Variants in XRCC4 observed in about 807,000 individuals in gnomAD.
The protein encoded by XRCC4 is X-ray repair cross complementing 4.
Under a neutral mutation model 39.1 loss-of-function variants are expected in XRCC4, and 28 were observed. That is an observed-to-expected ratio of 0.72 (90% confidence interval 0.53 to 0.98). XRCC4 has a LOEUF of 0.98. Among genes scored for constraint, XRCC4 ranks in the 50% least tolerant of loss-of-function variants. The probability of loss-of-function intolerance (pLI) is 0.00; values close to 1 mark genes in which losing one functional copy is unlikely to be tolerated. For missense variants in XRCC4, 350 were observed against 376.4 expected (o/e 0.93, Z 0.58); for synonymous variants, 123 against 126.4 (o/e 0.97, Z 0.18).
At chr5:83,352,983 T>C (rs1441559846) in intron 7 of XRCC4, 148 bp from the exon 8 acceptor site, 2 of 579,578 alleles carry the variant, frequency 3.5e-6, no homozygotes, top group East Asian at 6.4e-5. Context: ...TCTCTTTCCT[T>C]ATAGTTAATA....
intron 3 of XRCC4, among the ~76,000 whole-genome samples, chr5:83,126,497 A>G (rs1747272109): frequency 6.6e-6 from 1 of 152,184 alleles, no homozygotes; most frequent in Non-Finnish European, 1.5e-5. Context: ...GATGCAGTTT[A>G]AAGGCTGTTG....
chr5:83,116,205 A>T (rs1245157626), intron 3 of XRCC4, among the ~76,000 whole-genome samples: 1 of 152,220 alleles, frequency 6.6e-6, no homozygotes, highest in Admixed American at 6.5e-5. Context: ...GATGATACAA[A>T]CATCTGATTG....
intron 3 of XRCC4, among the ~76,000 whole-genome samples, chr5:83,130,755 G>C (rs145911633): frequency 1.3e-5 from 2 of 152,104 alleles, no homozygotes; most frequent in African/African-American, 4.8e-5. Flanking sequence ...GTTTATTTGC[G>C]AAGAGGTGTT....
At chr5:83,148,830 T>C (rs1748577276) in intron 3 of XRCC4, among the ~76,000 whole-genome samples, 1 of 151,892 alleles carries the variant, frequency 6.6e-6, no homozygotes, top group Non-Finnish European at 1.5e-5. Flanking sequence ...AATAAAGTAA[T>C]ACTGTTATAA....
At chr5:83,148,099 T>C (rs1285496369) in intron 3 of XRCC4, among the ~76,000 whole-genome samples, 2 of 152,212 alleles carry the variant, frequency 1.3e-5, no homozygotes, top group Non-Finnish European at 2.9e-5. Flanking sequence ...TAACAACCGA[T>C]AAATTCATCA....
chr5:83,118,770 T>C (rs977669422), intron 3 of XRCC4, among the ~76,000 whole-genome samples: 2 of 152,196 alleles, frequency 1.3e-5, no homozygotes, highest in African/African-American at 4.8e-5. Flanking sequence ...TGGATATCAA[T>C]GGTCAACTAG....
chr5:83,214,778 A>C (rs887105336), intron 6 of XRCC4, among the ~76,000 whole-genome samples: 1 of 151,482 alleles, frequency 6.6e-6, no homozygotes, highest in Non-Finnish European at 1.5e-5. Context: ...CAGAGCTTGC[A>C]ATGAGCCGAG....
intron 3 of XRCC4, among the ~76,000 whole-genome samples, chr5:83,130,621 CT>C (rs1747523948): frequency 6.6e-6 from 1 of 152,062 alleles, no homozygotes; most frequent in South Asian, 2.1e-4. Context: ...GGTTGGTAGG[CT>C]ATTAATTATT....
intron 4 of XRCC4, among the ~76,000 whole-genome samples, chr5:83,198,375 T>C (rs1751038977): frequency 6.6e-6 from 1 of 152,094 alleles, no homozygotes; most frequent in African/African-American, 2.4e-5. Context: ...TACTACCCCA[T>C]AGGATATTAT....
At chr5:83,148,896 A>G (rs1195918253) in intron 3 of XRCC4, among the ~76,000 whole-genome samples, 1 of 152,128 alleles carries the variant, frequency 6.6e-6, no homozygotes, top group Non-Finnish European at 1.5e-5. Flanking sequence ...ATTGTATCAA[A>G]TGTACTCAAA....
At chr5:83,292,009 G>T (rs1183414642) in intron 7 of XRCC4, among the ~76,000 whole-genome samples, 1 of 150,872 alleles carries the variant, frequency 6.6e-6, no homozygotes, top group Non-Finnish European at 1.5e-5. Context: ...AGTAGAAAGT[G>T]TAGGACTTGA....
intron 3 of XRCC4, among the ~76,000 whole-genome samples, chr5:83,123,605 TTTAC>T (rs1320040070): frequency 6.6e-5 from 10 of 152,088 alleles, no homozygotes; most frequent in Admixed American, 2.0e-4. Flanking sequence ...CTTTATTTTA[TTTAC>T]TTGTTCCTCT....
intron 3 of XRCC4, among the ~76,000 whole-genome samples, chr5:83,141,587 A>C (rs1748176124): frequency 1.3e-5 from 2 of 152,026 alleles, no homozygotes; most frequent in Non-Finnish European, 2.9e-5. Flanking sequence ...CATGTCTCTA[A>C]AGGTCATTTC....
chr5:83,124,667 G>A lies in XRCC4; in HGVS notation c.315+13464G>A, dbSNP rs28745319. ...TTGGCAAACAATAGCCTGTGAATTGGCTGCCCATTTTGGGAAATAAAGTTT... is the reference window on the plus strand; with the variant it reads ...TTGGCAAACAATAGCCTGTGAATTGACTGCCCATTTTGGGAAATAAAGTTT... On this transcript the variant is annotated intron_variant, in intron 3 of 7. Transcript: ENST00000396027. Among the ~76,000 whole-genome samples, 1,415 of 152,216 alleles carry A rather than the reference G, an allele frequency of 9.3e-3. 18 individuals are homozygous for A. The highest frequency in any genetic ancestry group is 0.032 in the African/African-American group (1,330 of 41,550).
Position 83,204,876 on chromosome 5 carries a change from G to C in XRCC4, c.700G>C (p.Asp234His). The C allele has an allele frequency of 6.2e-7, 1 of 1,612,522 alleles. No homozygotes were observed. The highest frequency in any genetic ancestry group is 1.1e-5 in the South Asian group (1 of 90,988). ...DRDPVYDESTDEESENQTDLS... is the reference protein window; with the variant it reads ...DRDPVYDESTHEESENQTDLS... ...AGATCCAGTCTATGATGAGAGTACTGATGAGGAAAGTGAAAACCAAACTGA... is the reference window on the plus strand; with the variant it reads ...AGATCCAGTCTATGATGAGAGTACTCATGAGGAAAGTGAAAACCAAACTGA... The change falls in exon 6 of 8, where the codon GAT becomes CAT. Residue 234 changes from aspartate (D) to histidine (H), a missense_variant. Physicochemically the swap from Asp to His is moderately conservative, Grantham distance 81. Coordinates refer to ENST00000396027, the MANE Select transcript of XRCC4 (RefSeq NM_003401.5).
intron 1 of XRCC4, among the ~76,000 whole-genome samples, chr5:83,100,904 A>G (rs1171408696): frequency 6.6e-6 from 1 of 152,172 alleles, no homozygotes; most frequent in East Asian, 1.9e-4. Context: ...CTAAAAGAAA[A>G]TATTCACAAA....
intron 3 of XRCC4, among the ~76,000 whole-genome samples, chr5:83,160,535 A>G (rs983614076): frequency 3.9e-5 from 6 of 152,178 alleles, no homozygotes; most frequent in African/African-American, 1.4e-4. Context: ...ATGAGATTAT[A>G]TATGTGTTTC....
At chr5:83,256,424 G>A (rs1753539819) in intron 6 of XRCC4, among the ~76,000 whole-genome samples, 1 of 151,890 alleles carries the variant, frequency 6.6e-6, no homozygotes, top group Admixed American at 6.6e-5. Context: ...TAAAAATTTT[G>A]CCTTGTATTT....
intron 6 of XRCC4, among the ~76,000 whole-genome samples, chr5:83,247,164 A>C (rs1753134948): frequency 6.6e-6 from 1 of 152,224 alleles, no homozygotes; most frequent in Non-Finnish European, 1.5e-5. Context: ...CAGTTGGAAA[A>C]AACTTATGAA....
Sources: gnomAD v4.1 joint callset for allele counts (sites outside exome capture counted in the v4.1 genomes callset) on GRCh38, gnomAD v4.1.1 for gene constraint, MANE v1.5 for transcripts, NCBI Gene and HGNC (gene_info 2026-07-23, HGNC 2026-07-21) for gene names.